The following MAGI1 variants were observed in gnomAD, a reference collection of about 807,000 sequenced individuals.
MAGI1 encodes the protein membrane-associated guanylate kinase, WW and PDZ domain-containing protein 1.
A neutral mutation model predicts 139.9 loss-of-function variants in MAGI1; 58 were observed. The observed-to-expected ratio is 0.41, with a 90% confidence interval of 0.34 to 0.52. The LOEUF is 0.52. Ranked by LOEUF, MAGI1 falls within the 20% of genes least tolerant of loss-of-function variation. The pLI is 0.12. For missense variants in MAGI1, 1,874 were observed against 1,901.6 expected (o/e 0.99, Z 0.27); for synonymous variants, 812 against 737.9 (o/e 1.10, Z -1.63).
intron 1 of MAGI1, among the ~76,000 whole-genome samples, chr3:65,965,796 T>C (rs1410255387): frequency 6.6e-6 from 1 of 152,100 alleles, no homozygotes; most frequent in Non-Finnish European, 1.5e-5. Context: ...GTCTGCCTAG[T>C]AGAATGCACC....
intron 1 of MAGI1, 139 bp from the exon 2 acceptor site, chr3:65,622,227 G>A: frequency 2.9e-6 from 2 of 693,302 alleles, no homozygotes. Context: ...ATGTACTTTA[G>A]GTTTTCCTCT....
intron 1 of MAGI1, among the ~76,000 whole-genome samples, chr3:65,976,768 C>T (rs1332619493): frequency 6.6e-6 from 1 of 152,244 alleles, no homozygotes; most frequent in Non-Finnish European, 1.5e-5. Flanking sequence ...AATCGAAACA[C>T]ACTTAGCTTA....
At chr3:65,440,262 G>C (rs1003958142) in intron 8 of MAGI1, among the ~76,000 whole-genome samples, 1 of 152,104 alleles carries the variant, frequency 6.6e-6, no homozygotes, top group Non-Finnish European at 1.5e-5. Context: ...TAAATGCCAG[G>C]AGGTAAGTCC....
At chr3:65,824,271 G>A (rs1249013264) in intron 1 of MAGI1, among the ~76,000 whole-genome samples, 4 of 152,162 alleles carry the variant, frequency 2.6e-5, no homozygotes, top group South Asian at 2.1e-4. Context: ...CTTGGAGGAC[G>A]GATGTAAATA....
chr3:65,877,220 G>A (rs996764062), intron 1 of MAGI1, among the ~76,000 whole-genome samples: 1 of 152,120 alleles, frequency 6.6e-6, no homozygotes, highest in Non-Finnish European at 1.5e-5. Flanking sequence ...TGTTGGAGAT[G>A]CCTTTATACA....
intron 1 of MAGI1, among the ~76,000 whole-genome samples, chr3:65,957,404 C>T (rs892335739): frequency 8.0e-5 from 12 of 150,726 alleles, no homozygotes; most frequent in Non-Finnish European, 1.8e-4. Flanking sequence ...GCCTGTAGTC[C>T]CAGCTACCCG....
chr3:65,362,484 T>C (rs1287577115), intron 21 of MAGI1, among the ~76,000 whole-genome samples: 1 of 152,100 alleles, frequency 6.6e-6, no homozygotes, highest in Admixed American at 6.5e-5. Context: ...GAAAAGAATA[T>C]GAGAGAAACT....
chr3:66,038,082 A>T lies in MAGI1; in HGVS notation c.227T>A (p.Val76Asp). 6.2e-7 allele frequency: 1 copy of T among 1,612,466 alleles called. No homozygotes were observed. Among genetic ancestry groups the T allele is most frequent in the Non-Finnish European group, 8.5e-7 (1 of 1,179,586 alleles). The change falls in exon 1 of 23, where the codon GTC becomes GAC. Residue 76 changes from valine (V) to aspartate (D), a missense_variant. This residue lies in a region of MAGI1 where 648 missense variants were observed against 598.1 expected (regional missense o/e 1.08). Coordinates refer to ENST00000402939, the MANE Select transcript of MAGI1 (RefSeq NM_001033057.2). ...EGELLLEVQG[V>D]RVSGLPRYDV... Reference sequence around the variant, plus strand: ...ATAGCGGGGCAAGCCGGACACCCGGACCCCCTGCACCTCCAGAAGCAGCTC... The same window carrying T: ...ATAGCGGGGCAAGCCGGACACCCGGTCCCCCTGCACCTCCAGAAGCAGCTC...
intron 1 of MAGI1, among the ~76,000 whole-genome samples, chr3:66,001,335 T>C (rs888414694): frequency 3.9e-5 from 6 of 152,128 alleles, no homozygotes; most frequent in African/African-American, 1.2e-4. Context: ...AAAAGATATA[T>C]AATATCTAAA....
At chr3:65,581,561 C>T (rs1008591295) in intron 2 of MAGI1, among the ~76,000 whole-genome samples, 1 of 152,126 alleles carries the variant, frequency 6.6e-6, no homozygotes, top group Non-Finnish European at 1.5e-5. Context: ...ACAATTTAGG[C>T]ATGGTCCTCC....
intron 1 of MAGI1, among the ~76,000 whole-genome samples, chr3:65,857,196 A>T (rs1300463620): frequency 8.9e-6 from 1 of 112,948 alleles, no homozygotes; most frequent in East Asian, 2.0e-4. Flanking sequence ...CAGGAAACAG[A>T]GCTAATCTTT....
intron 1 of MAGI1, among the ~76,000 whole-genome samples, chr3:65,695,792 G>A (rs1442635951): frequency 5.3e-5 from 8 of 152,190 alleles, no homozygotes. Flanking sequence ...GCCATGTCGG[G>A]AAGTTGTCCC....
chr3:65,472,711 C>T lies in MAGI1; in HGVS notation c.758-2227G>A, dbSNP rs185301029. Reference sequence around the variant, plus strand: ...TGCCAGGCCAGAGATGCAAATGAGACGTGTAGAGAGTGGGTCTAGGCTGAA... The same window carrying T: ...TGCCAGGCCAGAGATGCAAATGAGATGTGTAGAGAGTGGGTCTAGGCTGAA... On this transcript the variant is annotated intron_variant, in intron 4 of 22. Transcript: ENST00000402939. 4.4e-3 allele frequency among the ~76,000 whole-genome samples: 673 copies of T among 152,196 alleles called. 3 individuals are homozygous for T. The highest frequency in any genetic ancestry group is 8.3e-3 in the Non-Finnish European group (563 of 68,020).
intron 22 of MAGI1, chr3:65,359,704 A>G (rs1940603494): frequency 1.0e-6 from 1 of 985,824 alleles, no homozygotes; most frequent in South Asian, 4.7e-5. Context: ...ACATTACAGT[A>G]GCACAACCCT....
At position 65,531,521 on chromosome 3, in the gene MAGI1, T is replaced by A. The variant is rs1171823811; in HGVS notation, c.431-37890A>T. On this transcript the variant is annotated intron_variant, in intron 2 of 22. Coordinates refer to ENST00000402939, the MANE Select transcript of MAGI1 (RefSeq NM_001033057.2). The stretch of plus-strand genomic sequence containing the variant: ...ACAATTATTATTTACAGTATAATAC[T>A]TATTTCTAGTAATAATAAGATTAAC... Among the ~76,000 whole-genome samples the A allele has an allele frequency of 2.0e-5, 3 of 152,216 alleles. No individual in the cohort carries two copies. The East Asian group carries it at 5.8e-4, about 29-fold the overall frequency.
At chr3:65,951,304 G>A (rs192492408) in intron 1 of MAGI1, among the ~76,000 whole-genome samples, 24 of 152,206 alleles carry the variant, frequency 1.6e-4, no homozygotes, top group African/African-American at 4.1e-4. Context: ...TGAATTTCTC[G>A]TTTTATTTCA....
chr3:65,690,279 G>T (rs538358746), intron 1 of MAGI1, among the ~76,000 whole-genome samples: 4 of 152,234 alleles, frequency 2.6e-5, no homozygotes, highest in African/African-American at 9.6e-5. Flanking sequence ...GGACAGAGAA[G>T]GGTTGAGTCC....
intron 18 of MAGI1, 72 bp downstream of exon 18, chr3:65,375,671 AAG>A: frequency 8.0e-7 from 1 of 1,253,104 alleles, no homozygotes; most frequent in Non-Finnish European, 1.1e-6. Flanking sequence ...AAGAGAGAGA[AAG>A]AGAAAAGGAA....
At chr3:65,453,573 A>T (rs560922687) in intron 5 of MAGI1, among the ~76,000 whole-genome samples, 1 of 152,292 alleles carries the variant, frequency 6.6e-6, no homozygotes, top group Non-Finnish European at 1.5e-5. Flanking sequence ...AATTACTGAA[A>T]GCTTAAAAAA....
Sources: allele counts gnomAD v4.1 joint callset (sites outside exome capture counted in the v4.1 genomes callset), GRCh38; gene constraint gnomAD v4.1.1; regional missense constraint gnomAD v4.1.1; transcripts MANE v1.5; gene names NCBI Gene and HGNC (gene_info 2026-07-23, HGNC 2026-07-21).